The following ZFAND6 variants were observed in gnomAD, a reference collection of about 807,000 sequenced individuals.
ZFAND6 encodes zinc finger AN1-type containing 6.
ZFAND6 carries 12 observed loss-of-function variants against 24.5 expected under a neutral mutation model. The observed-to-expected ratio is 0.49, with a 90% CI of 0.31 to 0.79. ZFAND6 has a LOEUF of 0.79. Ranked by LOEUF, ZFAND6 falls within the 30% of genes least tolerant of loss-of-function variation. The probability of loss-of-function intolerance (pLI) is 0.04; values close to 1 mark genes in which losing one functional copy is unlikely to be tolerated. For synonymous variants in ZFAND6, 92 were observed against 81.5 expected (o/e 1.13, Z -0.69); for missense variants, 207 against 245.9 (o/e 0.84, Z 1.06).
At chr15:80,113,734 G>A (rs1317770678) in intron 2 of ZFAND6, among the ~76,000 whole-genome samples, 1 of 151,972 alleles carries the variant, frequency 6.6e-6, no homozygotes, top group East Asian at 1.9e-4. Context: ...TTCATGTTAG[G>A]CATAAAGAGG....
chr15:80,121,162 GA>G (rs1203772252), intron 3 of ZFAND6, among the ~76,000 whole-genome samples: 1 of 152,182 alleles, frequency 6.6e-6, no homozygotes, highest in Non-Finnish European at 1.5e-5. Context: ...TGTGGTTAAT[GA>G]AAGTGTAGGC....
chr15:80,124,171 C>T (rs142179684), intron 5 of ZFAND6, among the ~76,000 whole-genome samples: 1,537 of 152,302 alleles, frequency 0.01, 14 homozygotes, highest in Non-Finnish European at 0.016. Flanking sequence ...CGGTGGCTCA[C>T]GCCTGTAATC....
chr15:80,110,733 G>GAA (rs1289306810), intron 2 of ZFAND6, among the ~76,000 whole-genome samples: 1 of 152,120 alleles, frequency 6.6e-6, no homozygotes, highest in East Asian at 1.9e-4. Flanking sequence ...AGACTGTAGG[G>GAA]AAAAGATGAT....
intron 1 of ZFAND6, among the ~76,000 whole-genome samples, chr15:80,084,460 C>T (rs1467416574): frequency 6.6e-6 from 1 of 152,150 alleles, no homozygotes; most frequent in Non-Finnish European, 1.5e-5. Flanking sequence ...GATATACTTC[C>T]TAATAACTGA....
intron 6 of ZFAND6, among the ~76,000 whole-genome samples, chr15:80,136,269 A>G (rs1020488013): frequency 7.2e-5 from 11 of 152,188 alleles, no homozygotes; most frequent in African/African-American, 2.7e-4. Context: ...GATCTAGACC[A>G]TCCTGGCCAA....
intron 1 of ZFAND6, among the ~76,000 whole-genome samples, chr15:80,061,243 G>A (rs2036317049): frequency 6.6e-6 from 1 of 152,258 alleles, no homozygotes; most frequent in East Asian, 1.9e-4. Context: ...TACAGGGGTC[G>A]GTGGATTTAT....
chr15:80,110,731 G>T (rs2039565077), intron 2 of ZFAND6, among the ~76,000 whole-genome samples: 1 of 152,164 alleles, frequency 6.6e-6, no homozygotes. Context: ...TGAGACTGTA[G>T]GGAAAAGATG....
chr15:80,137,366 G>A, intron 6 of ZFAND6, 114 bp from the exon 7 acceptor site: 4 of 1,163,642 alleles, frequency 3.4e-6, no homozygotes, highest in Non-Finnish European at 3.5e-6. Flanking sequence ...TATTTAGAAT[G>A]ATTCTTTAGT....
At chr15:80,079,325 A>G (rs998461630) in intron 1 of ZFAND6, among the ~76,000 whole-genome samples, 13 of 151,538 alleles carry the variant, frequency 8.6e-5, no homozygotes. Context: ...GGTTCACGCC[A>G]TTCTCCTGCC....
At position 80,135,973 on chromosome 15, in the gene ZFAND6, A is replaced by T. The variant is rs139709945; in HGVS notation, c.479-1507A>T. 8.9e-3 allele frequency among the ~76,000 whole-genome samples: 1,349 copies of T among 152,262 alleles called. 23 individuals are homozygous for T. The highest frequency in any genetic ancestry group is 0.031 in the African/African-American group (1,274 of 41,556). On this transcript the variant is annotated intron_variant, in intron 6 of 6. Coordinates refer to ENST00000261749, the MANE Select transcript of ZFAND6 (RefSeq NM_019006.4). Reference sequence around the variant, plus strand: ...ACTCAGTCTGTACAAAAAAATTTTTAAAATTAGCTGATCATGATGGCATGT... The same window carrying T: ...ACTCAGTCTGTACAAAAAAATTTTTTAAATTAGCTGATCATGATGGCATGT...
intron 1 of ZFAND6, among the ~76,000 whole-genome samples, chr15:80,095,826 T>C (rs933253191): frequency 1.3e-5 from 2 of 152,220 alleles, no homozygotes; most frequent in Non-Finnish European, 2.9e-5. Flanking sequence ...TTTTGTCTTT[T>C]CGATAGGTTA....
At chr15:80,077,697 CT>C (rs11441423) in intron 1 of ZFAND6, among the ~76,000 whole-genome samples, 7,923 of 115,034 alleles carry the variant, frequency 0.069, 134 homozygotes, top group East Asian at 0.19. Flanking sequence ...AGTTTTCTTT[CT>C]TTTTTTTTTT....
chr15:80,094,673 A>G (rs1343302216), intron 1 of ZFAND6, among the ~76,000 whole-genome samples: 1 of 152,178 alleles, frequency 6.6e-6, no homozygotes, highest in Non-Finnish European at 1.5e-5. Flanking sequence ...GTATAGTTTT[A>G]ACAACAAGGA....
chr15:80,092,390 C>G (rs139211740), intron 1 of ZFAND6, among the ~76,000 whole-genome samples: 1 of 150,934 alleles, frequency 6.6e-6, no homozygotes, highest in Non-Finnish European at 1.5e-5. Context: ...GAGCCAAGAT[C>G]GTGCCACTGC....
intron 5 of ZFAND6, 182 bp downstream of exon 5, chr15:80,122,982 T>G: frequency 2.0e-6 from 1 of 508,544 alleles, no homozygotes; most frequent in Non-Finnish European, 3.5e-6. Context: ...CACACTTACA[T>G]GTAATTTTAT....
At chr15:80,062,956 A>T (rs538812421) in intron 1 of ZFAND6, among the ~76,000 whole-genome samples, 5 of 152,228 alleles carry the variant, frequency 3.3e-5, no homozygotes, top group Non-Finnish European at 7.3e-5. Flanking sequence ...CTTATTTCAT[A>T]TAAGATGATA....
chr15:80,123,553 G>C (rs1395040359), intron 5 of ZFAND6, among the ~76,000 whole-genome samples: 1 of 152,190 alleles, frequency 6.6e-6, no homozygotes, highest in East Asian at 1.9e-4. Context: ...CATTGCACAT[G>C]GTGTTCACAT....
chr15:80,131,418 C>T (rs1283949247), intron 6 of ZFAND6, 125 bp downstream of exon 6: 10 of 699,798 alleles, frequency 1.4e-5, no homozygotes, highest in Admixed American at 6.6e-5. Flanking sequence ...TATACTTCAC[C>T]TTCTGAATTT....
upstream of ZFAND6, among the ~76,000 whole-genome samples, chr15:80,058,952 G>C (rs2036187995): frequency 6.6e-6 from 1 of 152,238 alleles, no homozygotes; most frequent in Non-Finnish European, 1.5e-5. Flanking sequence ...ATCACCCCTA[G>C]TTCCAGCGCA....
Sources: allele counts gnomAD v4.1 joint callset (sites outside exome capture counted in the v4.1 genomes callset), GRCh38; gene constraint gnomAD v4.1.1; transcripts MANE v1.5; gene names NCBI Gene and HGNC (gene_info 2026-07-23, HGNC 2026-07-21).